MNS1: variants seen among roughly 807,000 people sequenced by gnomAD.
MNS1 encodes meiosis specific nuclear structural 1.
A neutral mutation model predicts 72.0 loss-of-function variants in MNS1; 63 were observed. The observed-to-expected ratio is 0.87, with a 90% confidence interval of 0.71 to 1.08. The LOEUF is 1.08. Among genes scored for constraint, MNS1 ranks in the 50% least tolerant of loss-of-function variants. MNS1 has a pLI of 0.00. For synonymous variants in MNS1, 188 were observed against 172.1 expected (o/e 1.09, Z -0.72); for missense variants, 604 against 562.4 (o/e 1.07, Z -0.75).
At chr15:56,462,487 G>A (rs1316712514) in intron 2 of MNS1, among the ~76,000 whole-genome samples, 1 of 152,116 alleles carries the variant, frequency 6.6e-6, no homozygotes, top group African/African-American at 2.4e-5. Context: ...TTATGGCTAG[G>A]TTCTATTTAG....
At chr15:56,436,761 A>T (rs1248168367) in intron 7 of MNS1, among the ~76,000 whole-genome samples, 1 of 152,206 alleles carries the variant, frequency 6.6e-6, no homozygotes, top group Non-Finnish European at 1.5e-5. Flanking sequence ...GCAATAAAAA[A>T]TGATAAAGGG....
chr15:56,441,612 A>G (rs1156573756), intron 7 of MNS1, among the ~76,000 whole-genome samples: 6 of 152,236 alleles, frequency 3.9e-5, no homozygotes, highest in Non-Finnish European at 7.3e-5. Flanking sequence ...TATCAACAGA[A>G]TAAACAGACA....
intron 9 of MNS1, among the ~76,000 whole-genome samples, chr15:56,430,993 C>T (rs1420590200): frequency 1.3e-5 from 2 of 152,070 alleles, no homozygotes; most frequent in African/African-American, 4.8e-5. Context: ...AAATCCTGTC[C>T]TTACCAAAAA....
chr15:56,447,011 T>G, intron 3 of MNS1, 68 bp from the exon 4 acceptor site: 1 of 1,040,552 alleles, frequency 9.6e-7, no homozygotes, highest in Middle Eastern at 2.5e-4. Context: ...CACAGAAAAC[T>G]GAGTAACTGT....
chr15:56,434,266 C>T lies in MNS1; in HGVS notation c.1141G>A (p.Ala381Thr), dbSNP rs778835456. 7 of 1,613,786 alleles carry T rather than the reference C, an allele frequency of 4.3e-6. No homozygotes were observed. The highest frequency in any genetic ancestry group is 5.1e-6 in the Non-Finnish European group (6 of 1,179,938). The change falls in exon 8 of 10, where the codon GCT becomes ACT. Residue 381 changes from alanine to threonine, a missense_variant. Coordinates refer to ENST00000260453, the MANE Select transcript of MNS1 (RefSeq NM_018365.4). ...EEENFRKTMLAKFAEDDRIEL... is the reference protein window; with the variant it reads ...EEENFRKTMLTKFAEDDRIEL... The stretch of plus-strand genomic sequence containing the variant: ...ATTCGATCATCCTCAGCAAATTTAG[C>T]TAGCATAGTTTTTCTAAAGTTCTCC...
chr15:56,454,435 C>T (rs1299873028), intron 3 of MNS1, among the ~76,000 whole-genome samples: 2 of 152,120 alleles, frequency 1.3e-5, no homozygotes, highest in Admixed American at 6.5e-5. Flanking sequence ...CTATGAAATA[C>T]TAGGTCCTAC....
chr15:56,457,637 C>A (rs2050989743), intron 2 of MNS1, among the ~76,000 whole-genome samples: 1 of 152,138 alleles, frequency 6.6e-6, no homozygotes, highest in Non-Finnish European at 1.5e-5. Context: ...GCCTGGGCAA[C>A]ATAGAGAGGT....
intron 8 of MNS1, among the ~76,000 whole-genome samples, chr15:56,433,662 A>C (rs186959467): frequency 2.0e-5 from 3 of 152,178 alleles, no homozygotes; most frequent in Admixed American, 6.6e-5. Context: ...TCTACCTTCA[A>C]TGCTCTCACT....
chr15:56,432,055 TA>T (rs2050611792), intron 8 of MNS1, among the ~76,000 whole-genome samples: 1 of 152,182 alleles, frequency 6.6e-6, no homozygotes, highest in South Asian at 2.1e-4. Flanking sequence ...AAGCCACTGT[TA>T]ATTTGAGACT....
At chr15:56,454,342 A>G (rs1160681768) in intron 3 of MNS1, among the ~76,000 whole-genome samples, 1 of 146,046 alleles carries the variant, frequency 6.8e-6, no homozygotes, top group Non-Finnish European at 1.5e-5. Flanking sequence ...AGCATTTATC[A>G]TTTGTGTTAC....
chr15:56,455,032 A>C (rs2050971711), intron 3 of MNS1, among the ~76,000 whole-genome samples: 1 of 152,160 alleles, frequency 6.6e-6, no homozygotes, highest in Non-Finnish European at 1.5e-5. Flanking sequence ...GTTTGGAATC[A>C]GCAGAAACCT....
rs1337512634 is a variant in MNS1, at chr15:56,431,407, T to G, written c.1361A>C (p.Glu454Ala). The G allele has an allele frequency of 6.2e-6, 10 of 1,613,386 alleles. No individual in the cohort carries two copies. Among genetic ancestry groups the G allele is most frequent in the Non-Finnish European group, 8.5e-6 (10 of 1,179,886 alleles). Residue 454 changes from glutamate (E) to alanine (A), a missense_variant, in exon 9 of 10, where the codon GAG becomes GCG. By Grantham distance (107) the Glu-to-Ala change is moderately radical. Transcript: ENST00000260453. ...IEEERLKLLK[E>A]HATNLLGYLP... is the part of the protein sequence containing the mutation. ...ATAGCCTAGTAAGTTTGTAGCATGC[T>G]CTTTAAGAAGTTTTAGCCTTTCTTC...
chr15:56,435,220 T>C (rs1384639382), intron 7 of MNS1, among the ~76,000 whole-genome samples: 2 of 151,984 alleles, frequency 1.3e-5, no homozygotes, highest in Non-Finnish European at 2.9e-5. Flanking sequence ...TGCATGTATG[T>C]AGGAAAAGTC....
chr15:56,441,384 T>C (rs557653899), intron 7 of MNS1, among the ~76,000 whole-genome samples: 1 of 152,318 alleles, frequency 6.6e-6, no homozygotes, highest in South Asian at 2.1e-4. Flanking sequence ...ATTCTCTAAA[T>C]GTCAGGTCAA....
In MNS1 at chr15:56,434,411, GA is replaced by G; in HGVS notation, c.1012-17del. 2 of 1,596,094 alleles carry G rather than the reference GA, an allele frequency of 1.3e-6. No homozygotes were observed. The highest frequency in any genetic ancestry group is 8.5e-7 in the Non-Finnish European group (1 of 1,171,622). On this transcript the variant is annotated splice_polypyrimidine_tract_variant and intron_variant, in intron 7 of 9. Transcript: ENST00000260453. ...CTGCTTCTTCCTAAACAATACAGCTGAAAGTTAATTTAGTAACTATTTCCTT... is the reference window on the plus strand; with the variant it reads ...CTGCTTCTTCCTAAACAATACAGCTGAAGTTAATTTAGTAACTATTTCCTT...
chr15:56,434,273 AGTTTT>A lies in MNS1; in HGVS notation c.1129_1133del (p.Lys377TyrfsTer4). The A allele has an allele frequency of 2.5e-6, 4 of 1,613,950 alleles. No homozygotes were observed. Among genetic ancestry groups the A allele is most frequent in the Non-Finnish European group, 1.7e-6 (2 of 1,179,928 alleles). ...CATCCTCAGCAAATTTAGCTAGCAT[AGTTTT>A]TCTAAAGTTCTCCTCTTCCTCTTTT... On this transcript the variant is annotated frameshift_variant, in exon 8 of 10. Coordinates refer to ENST00000260453, the MANE Select transcript of MNS1 (RefSeq NM_018365.4). LOFTEE classifies it high-confidence loss of function.
intron 5 of MNS1, 73 bp downstream of exon 5, chr15:56,444,371 A>T: frequency 1.5e-6 from 2 of 1,291,824 alleles, no homozygotes; most frequent in Non-Finnish European, 2.1e-6. Flanking sequence ...TAGGTGCTTC[A>T]GTTCCTCACA....
chr15:56,453,805 A>C (rs11857306), intron 3 of MNS1, among the ~76,000 whole-genome samples: 52,682 of 152,034 alleles, frequency 0.35, 9,727 homozygotes, highest in South Asian at 0.56. Context: ...ATCAATTAAC[A>C]GGAGTCATGA....
chr15:56,462,925 T>C (rs561691144), intron 2 of MNS1, among the ~76,000 whole-genome samples: 1 of 152,034 alleles, frequency 6.6e-6, no homozygotes, highest in East Asian at 1.9e-4. Context: ...ATAGGAAAAA[T>C]ATCCAACCCC....
Sources: gnomAD v4.1 joint callset for allele counts (sites outside exome capture counted in the v4.1 genomes callset) on GRCh38, gnomAD v4.1.1 for gene constraint, MANE v1.5 for transcripts, NCBI Gene and HGNC (gene_info 2026-07-23, HGNC 2026-07-21) for gene names.